Variants in NPHP3 observed in about 807,000 individuals in gnomAD.
NPHP3 encodes nephrocystin 3, also known as nephrocystin-3.
Under a neutral mutation model 171.9 loss-of-function variants are expected in NPHP3, and 123 were observed. The observed-to-expected ratio is 0.72, with a 90% CI of 0.62 to 0.83. The LOEUF is 0.83. NPHP3 is among the 40% of genes least tolerant of loss of function. The pLI is 0.00. For synonymous variants in NPHP3, 558 were observed against 579.2 expected (o/e 0.96, Z 0.52); for missense variants, 1,506 against 1,591.9 (o/e 0.95, Z 0.92).
intron 16 of NPHP3, chr3:132,693,161 G>T: frequency 4.2e-6 from 1 of 240,174 alleles, no homozygotes; most frequent in Non-Finnish European, 8.1e-6. Flanking sequence ...TTATAAACAC[G>T]TATGAATATC....
At position 132,681,542 on chromosome 3, in the gene NPHP3, A is replaced by C. The variant is rs1939028128; in HGVS notation, c.*368T>G. 1 of 280,970 alleles carries C rather than the reference A, an allele frequency of 3.6e-6. No homozygotes were observed. Among genetic ancestry groups the C allele is most frequent in the African/African-American group, 2.3e-5 (1 of 44,224 alleles). The allele number at this position is 280,970 out of a possible 1,614,324, so 17.4% of individuals were successfully genotyped here. Reference sequence around the variant, plus strand: ...ATCACCCTCCCAAAGTGGTGGGATTACAGGCATGAGCCACCATGCCTGGCC... The same window carrying C: ...ATCACCCTCCCAAAGTGGTGGGATTCCAGGCATGAGCCACCATGCCTGGCC... On this transcript the variant is annotated 3_prime_UTR_variant, in exon 27 of 27. Coordinates refer to ENST00000337331, the MANE Select transcript of NPHP3 (RefSeq NM_153240.5).
intron 9 of NPHP3, among the ~76,000 whole-genome samples, chr3:132,703,274 A>C (rs1338548915): frequency 6.6e-6 from 1 of 152,254 alleles, no homozygotes; most frequent in Non-Finnish European, 1.5e-5. Context: ...CGGACAGTCT[A>C]AATTCAAAAA....
At chr3:132,691,350 G>T in intron 17 of NPHP3, 64 bp from the exon 18 acceptor site, 1 of 1,109,624 alleles carries the variant, frequency 9.0e-7, no homozygotes, top group Non-Finnish European at 1.4e-6. Flanking sequence ...TCTAACAAGA[G>T]ATTTGCAAAA....
chr3:132,712,097 C>G (rs1380173165), intron 6 of NPHP3, among the ~76,000 whole-genome samples: 2 of 146,034 alleles, frequency 1.4e-5, no homozygotes, highest in Non-Finnish European at 3.1e-5. Context: ...TCCTTTATCT[C>G]TATATCTAAC....
intron 7 of NPHP3, among the ~76,000 whole-genome samples, chr3:132,706,241 G>A (rs952678004): frequency 1.3e-5 from 2 of 151,674 alleles, no homozygotes; most frequent in African/African-American, 2.4e-5. Flanking sequence ...TGCCTGTAGT[G>A]CCAGCTACTC....
intron 15 of NPHP3, among the ~76,000 whole-genome samples, chr3:132,695,942 A>G (rs1939442337): frequency 1.3e-5 from 2 of 152,182 alleles, no homozygotes; most frequent in Non-Finnish European, 2.9e-5. Flanking sequence ...TCTCAAAAAC[A>G]AAAACAAAGA....
chr3:132,686,502 CTA>C lies in NPHP3; in HGVS notation c.3202-117_3202-116del, dbSNP rs572474079. On this transcript the variant is annotated intron_variant, in intron 22 of 26. Transcript: ENST00000337331. ...CTTTTTTCCCATTTAATCTAGATAA[CTA>C]TTATTTTAAGCATCACACTAAATTA... The C allele has an allele frequency of 8.5e-4, 1,013 of 1,185,308 alleles. 21 individuals carry two copies. The South Asian group carries it at 0.012, about 14-fold the overall frequency. The allele number at this position is 1,185,308 out of a possible 1,614,324, so 73.4% of individuals were successfully genotyped here.
intron 25 of NPHP3, among the ~76,000 whole-genome samples, chr3:132,683,136 A>G (rs990488499): frequency 1.3e-5 from 2 of 152,202 alleles, no homozygotes; most frequent in African/African-American, 4.8e-5. Flanking sequence ...AAATACTTAA[A>G]TAAATATTAT....
At chr3:132,706,275 C>T (rs1247472898) in intron 7 of NPHP3, among the ~76,000 whole-genome samples, 1 of 151,090 alleles carries the variant, frequency 6.6e-6, no homozygotes, top group Non-Finnish European at 1.5e-5. Context: ...AAGAGAATGG[C>T]GTGAACCCGG....
At chr3:132,717,156 C>T (rs1416674467) in intron 3 of NPHP3, 2 of 430,136 alleles carry the variant, frequency 4.6e-6, no homozygotes, top group Admixed American at 4.0e-5. Context: ...AACAAGAATA[C>T]AATAAAAAAG....
intron 20 of NPHP3, 21 bp downstream of exon 20, chr3:132,689,053 C>T (rs775188839): frequency 6.2e-7 from 1 of 1,613,940 alleles, no homozygotes; most frequent in South Asian, 1.1e-5. Context: ...CTCTGGCTTG[C>T]CATTGATCTG....
intron 17 of NPHP3, among the ~76,000 whole-genome samples, chr3:132,692,057 T>C (rs1206704175): frequency 6.6e-6 from 1 of 152,254 alleles, no homozygotes; most frequent in East Asian, 1.9e-4. Context: ...TTTAAAACTT[T>C]CATACCACAT....
chr3:132,692,740 T>G lies in NPHP3; in HGVS notation c.2389A>C (p.Thr797Pro), dbSNP rs1215241671. The G allele has an allele frequency of 6.2e-7, 1 of 1,613,800 alleles. No homozygotes were observed. The highest frequency in any genetic ancestry group is 1.3e-5 in the African/African-American group (1 of 74,906). Reference protein sequence around the residue: ...LMELYPEMSWTFLTSLIHSLY... With the variant: ...LMELYPEMSWPFLTSLIHSLY... ...CTGTGAATAAGGGAGGTCAAGAAAG[T>G]CCAGGACATCTCAGGATAGAGTTCC... Residue 797 changes from threonine to proline, a missense_variant, in exon 17 of 27, where the codon ACT becomes CCT. Transcript: ENST00000337331.
chr3:132,697,475 AAAATAAGCAAAACTAATG>A (rs1271127523), intron 13 of NPHP3, 113 bp from the exon 14 acceptor site: 4 of 688,426 alleles, frequency 5.8e-6, no homozygotes, highest in African/African-American at 5.4e-5. Flanking sequence ...CTGCTTTTGT[AAAATAAGCAAAACTAATG>A]TCTATTAATC....
In NPHP3 at chr3:132,688,772, A is replaced by G; in HGVS notation, c.3003T>C (p.Phe1001=). The G allele has an allele frequency of 6.2e-7, 1 of 1,613,970 alleles. No homozygotes were observed. Among genetic ancestry groups the G allele is most frequent in the Non-Finnish European group, 8.5e-7 (1 of 1,179,880 alleles). The change falls in exon 21 of 27, where the codon TTT becomes TTC. Residue 1001 remains phenylalanine, a synonymous_variant. Coordinates refer to ENST00000337331, the MANE Select transcript of NPHP3 (RefSeq NM_153240.5). ...LASVYVQWKK[F]GNAEQLYKQA... ...GTTTATACAGTTGTTCTGCATTGCC[A>G]AACTTCTTCCACTGCACGTATACAC... is the stretch of plus-strand genomic sequence containing the variant.
chr3:132,699,039 T>C (rs753140590), intron 13 of NPHP3, among the ~76,000 whole-genome samples: 24 of 152,016 alleles, frequency 1.6e-4, no homozygotes, highest in Non-Finnish European at 2.6e-4. Context: ...ATTACAGGCA[T>C]GCGCCACCAT....
At position 132,684,614 on chromosome 3, in the gene NPHP3, A is replaced by G; in HGVS notation, c.3510T>C (p.Ala1170=). The change falls in exon 24 of 27, where the codon GCT becomes GCC. Residue 1170 remains alanine, a synonymous_variant. Coordinates refer to ENST00000337331, the MANE Select transcript of NPHP3 (RefSeq NM_153240.5). ...TATATGCCAAAGAAGGGTGATCAGG[A>G]GCTAATGCACGTCTCCGAATATCTA... ...RALDIRRRAL[A]PDHPSLAYTV... is the part of the protein sequence containing the mutation. 6.2e-7 allele frequency: 1 copy of G among 1,614,048 alleles called. No individual in the cohort carries two copies. The highest frequency in any genetic ancestry group is 8.5e-7 in the Non-Finnish European group (1 of 1,179,914).
intron 3 of NPHP3, 184 bp from the exon 4 acceptor site, chr3:132,717,093 C>T: frequency 1.7e-6 from 1 of 581,102 alleles, no homozygotes; most frequent in Non-Finnish European, 3.0e-6. Context: ...TAACATAATT[C>T]TGGTTATCAT....
chr3:132,695,278 A>G (rs923597390), intron 15 of NPHP3: 1 of 253,996 alleles, frequency 3.9e-6, no homozygotes, highest in Admixed American at 5.0e-5. Context: ...ACCTACATAC[A>G]GGAAGCAGGG....
Sources: allele counts gnomAD v4.1 joint callset (sites outside exome capture counted in the v4.1 genomes callset), GRCh38; gene constraint gnomAD v4.1.1; transcripts MANE v1.5; gene names NCBI Gene and HGNC (gene_info 2026-07-23, HGNC 2026-07-21).